Variants in CDH13 observed in about 807,000 individuals in gnomAD.
CDH13 encodes the protein cadherin-13.
CDH13 carries 24 observed loss-of-function variants against 63.8 expected under a neutral mutation model. The ratio of observed to expected loss-of-function variants is 0.38; its 90% CI spans 0.27 to 0.53. CDH13 has a LOEUF of 0.53. Ranked by LOEUF, CDH13 falls within the 20% of genes least tolerant of loss-of-function variation. The pLI, the probability that CDH13 is intolerant of heterozygous loss-of-function variation, is 0.85. For synonymous variants in CDH13, 503 were observed against 355.3 expected (o/e 1.42, Z -4.67); for missense variants, 1,049 against 903.1 (o/e 1.16, Z -2.07).
At chr16:82,758,421 T>C (rs568993586) in intron 1 of CDH13, among the ~76,000 whole-genome samples, 1 of 31,450 alleles carries the variant, frequency 3.2e-5, no homozygotes, top group South Asian at 2.0e-3. Context: ...CAGGAGACTG[T>C]TGATACCCCC....
At chr16:83,252,329 T>C (rs540250780) in intron 5 of CDH13, among the ~76,000 whole-genome samples, 6 of 151,588 alleles carry the variant, frequency 4.0e-5, no homozygotes, top group Admixed American at 1.3e-4. Flanking sequence ...TTAGGGTACA[T>C]GTGCATCTTT....
chr16:82,660,835 G>A (rs890656256), intron 1 of CDH13, among the ~76,000 whole-genome samples: 1 of 151,862 alleles, frequency 6.6e-6, no homozygotes, highest in African/African-American at 2.4e-5. Flanking sequence ...ATTTTGTTCC[G>A]GCAATACAAG....
chr16:83,178,233 T>C (rs979387664), intron 4 of CDH13, among the ~76,000 whole-genome samples: 1 of 152,106 alleles, frequency 6.6e-6, no homozygotes, highest in Non-Finnish European at 1.5e-5. Context: ...CCTGTGCTTA[T>C]AAAAGGATGT....
intron 10 of CDH13, among the ~76,000 whole-genome samples, chr16:83,689,304 C>T (rs1904614738): frequency 6.6e-6 from 1 of 151,834 alleles, no homozygotes. Context: ...TTAATAAACC[C>T]ATTTGAAATA....
chr16:82,765,976 A>T (rs1325746249), intron 1 of CDH13, among the ~76,000 whole-genome samples: 1 of 152,240 alleles, frequency 6.6e-6, no homozygotes, highest in Non-Finnish European at 1.5e-5. Flanking sequence ...ATGCACGTCT[A>T]TGCTACCCCA....
chr16:82,862,757 A>T (rs144621888), intron 2 of CDH13, among the ~76,000 whole-genome samples: 3 of 152,336 alleles, frequency 2.0e-5, no homozygotes, highest in African/African-American at 7.2e-5. Flanking sequence ...AACTCTAGTG[A>T]CTTAACACAG....
At chr16:82,982,857 A>C (rs1910462096) in intron 2 of CDH13, among the ~76,000 whole-genome samples, 1 of 152,190 alleles carries the variant, frequency 6.6e-6, no homozygotes, top group Non-Finnish European at 1.5e-5. Flanking sequence ...CTTTCTGTCA[A>C]CTTTCAGTGA....
At chr16:82,982,868 G>C (rs1169499595) in intron 2 of CDH13, among the ~76,000 whole-genome samples, 2 of 152,134 alleles carry the variant, frequency 1.3e-5, no homozygotes, top group Non-Finnish European at 2.9e-5. Flanking sequence ...CTTTCAGTGA[G>C]AAGAAGTAAA....
At chr16:82,739,290 A>C (rs1339189474) in intron 1 of CDH13, among the ~76,000 whole-genome samples, 1 of 152,214 alleles carries the variant, frequency 6.6e-6, no homozygotes, top group Non-Finnish European at 1.5e-5. Flanking sequence ...CTGACCACCT[A>C]CTTTTAGATA....
At chr16:83,680,435 A>G (rs997214031) in intron 10 of CDH13, among the ~76,000 whole-genome samples, 5 of 152,190 alleles carry the variant, frequency 3.3e-5, no homozygotes, top group African/African-American at 9.6e-5. Flanking sequence ...GAGGCAGCCC[A>G]TAGGTGCAGT....
chr16:82,942,245 C>T (rs931347174), intron 2 of CDH13, among the ~76,000 whole-genome samples: 2 of 152,080 alleles, frequency 1.3e-5, no homozygotes, highest in African/African-American at 2.4e-5. Context: ...TATGATTTTT[C>T]CAGTTGCTGC....
chr16:83,371,228 C>G (rs1316334813), intron 6 of CDH13, among the ~76,000 whole-genome samples: 4 of 152,204 alleles, frequency 2.6e-5, no homozygotes, highest in Non-Finnish European at 5.9e-5. Context: ...GATGCCTGTA[C>G]TTTTAATTCT....
At chr16:82,972,320 A>G (rs1908879239) in intron 2 of CDH13, among the ~76,000 whole-genome samples, 2 of 152,206 alleles carry the variant, frequency 1.3e-5, no homozygotes, top group South Asian at 2.1e-4. Context: ...TGTTTGGGTG[A>G]GAAGCAGGGA....
At chr16:83,067,405 A>G (rs2032101005) in intron 3 of CDH13, among the ~76,000 whole-genome samples, 1 of 152,226 alleles carries the variant, frequency 6.6e-6, no homozygotes, top group Non-Finnish European at 1.5e-5. Flanking sequence ...AATGGGAACC[A>G]TCCATAGTTG....
intron 2 of CDH13, among the ~76,000 whole-genome samples, chr16:82,869,221 A>G (rs950028073): frequency 1.1e-4 from 16 of 152,022 alleles, no homozygotes; most frequent in African/African-American, 3.9e-4. Context: ...TAATTTTTGT[A>G]ATTTTAATAG....
intron 1 of CDH13, among the ~76,000 whole-genome samples, chr16:82,759,611 C>T (rs781211013): frequency 2.7e-5 from 4 of 150,690 alleles, no homozygotes; most frequent in Non-Finnish European, 4.4e-5. Context: ...TATAATATAA[C>T]ATAAAAATGA....
At chr16:82,708,375 A>G (rs1180534143) in intron 1 of CDH13, among the ~76,000 whole-genome samples, 1 of 152,186 alleles carries the variant, frequency 6.6e-6, no homozygotes, top group Non-Finnish European at 1.5e-5. Flanking sequence ...TGCAAGAAAC[A>G]CTGAACAACC....
At chr16:83,270,914 C>G (rs919145211) in intron 5 of CDH13, among the ~76,000 whole-genome samples, 7 of 143,528 alleles carry the variant, frequency 4.9e-5, no homozygotes, top group Admixed American at 4.9e-4. Context: ...TTTCCTTCCT[C>G]CCTCACTCCT....
Position 83,486,581 on chromosome 16 carries a change from C to A in CDH13, c.886C>A (p.Pro296Thr). The A allele has an allele frequency of 1.2e-6, 2 of 1,613,952 alleles. No individual in the cohort carries two copies. Among genetic ancestry groups the A allele is most frequent in the Non-Finnish European group, 1.7e-6 (2 of 1,179,844 alleles). Residue 296 changes from proline (P) to threonine (T), a missense_variant, in exon 7 of 14, where the codon CCC becomes ACC. Coordinates refer to ENST00000567109, the MANE Select transcript of CDH13 (RefSeq NM_001257.5). ...TCAGCAGACGCCTGACAAGCCATCT[C>A]CCAACATGTTCTACATCGATCCTGA... ...IRQQTPDKPS[P>T]NMFYIDPEKG...
Sources: allele counts gnomAD v4.1 joint callset (sites outside exome capture counted in the v4.1 genomes callset), GRCh38; gene constraint gnomAD v4.1.1; transcripts MANE v1.5; gene names NCBI Gene and HGNC (gene_info 2026-07-23, HGNC 2026-07-21).